The following RGS22 variants were observed in gnomAD, a reference collection of about 807,000 sequenced individuals.
RGS22 encodes regulator of G-protein signaling 22.
RGS22 carries 148 observed loss-of-function variants against 172.9 expected under a neutral mutation model. That is an observed-to-expected ratio of 0.86 (90% CI 0.75 to 0.98). The LOEUF (loss-of-function observed/expected upper bound fraction) is 0.98. RGS22 is among the 50% of genes least tolerant of loss of function. The pLI, the probability that RGS22 is intolerant of heterozygous loss-of-function variation, is 0.00. For missense variants in RGS22, 1,347 were observed against 1,440.8 expected, an observed-to-expected ratio of 0.93 and a Z score of 1.05; for synonymous variants, 458 against 480.2, an observed-to-expected ratio of 0.95 and a Z score of 0.60.
At chr8:100,039,066 C>G (rs774510753) in intron 13 of RGS22, 34 bp from the exon 14 acceptor site, 14 of 1,228,120 alleles carry the variant, frequency 1.1e-5, no homozygotes, top group Non-Finnish European at 1.6e-5. Context: ...ATTATTACCA[C>G]CCAATTATTA....
intron 6 of RGS22, among the ~76,000 whole-genome samples, chr8:100,068,319 A>G (rs1810689016): frequency 6.6e-6 from 1 of 152,098 alleles, no homozygotes. Flanking sequence ...GGGAGGTTGA[A>G]GCTGCAATGA....
intron 2 of RGS22, among the ~76,000 whole-genome samples, chr8:100,102,272 T>A (rs535017256): frequency 6.6e-6 from 1 of 152,182 alleles, no homozygotes; most frequent in Non-Finnish European, 1.5e-5. Context: ...TCTGCCTACA[T>A]CGTATTGGCC....
intron 14 of RGS22, among the ~76,000 whole-genome samples, chr8:100,016,652 C>A (rs1816992859): frequency 6.6e-6 from 1 of 152,092 alleles, no homozygotes; most frequent in South Asian, 2.1e-4. Context: ...TGGCAGGCGC[C>A]TGTAGTCCCA....
chr8:100,036,105 A>G (rs989238801), intron 14 of RGS22, among the ~76,000 whole-genome samples: 2 of 151,984 alleles, frequency 1.3e-5, no homozygotes, highest in African/African-American at 2.4e-5. Context: ...TTAAAACATA[A>G]TAACAATTTT....
intron 10 of RGS22, among the ~76,000 whole-genome samples, chr8:100,051,159 C>T (rs144717015): frequency 0.013 from 1,895 of 151,574 alleles, 16 homozygotes; most frequent in Middle Eastern, 0.031. Flanking sequence ...AGGAAGAGTG[C>T]TCTAAGCAAG....
intron 7 of RGS22, 90 bp downstream of exon 7, chr8:100,066,077 C>A: frequency 1.6e-6 from 2 of 1,225,738 alleles, no homozygotes; most frequent in South Asian, 1.9e-5. Flanking sequence ...TTTTTCTCCC[C>A]AACCACTAAG....
At chr8:100,094,827 T>C (rs1288733951) in intron 2 of RGS22, among the ~76,000 whole-genome samples, 3 of 152,218 alleles carry the variant, frequency 2.0e-5, no homozygotes, top group Non-Finnish European at 4.4e-5. Flanking sequence ...TGCTAATTCT[T>C]ATGAGAAAAC....
Position 99,982,032 on chromosome 8 carries a change from G to C in RGS22, c.3265C>G (p.Pro1089Ala). 1 of 1,613,726 alleles carries C rather than the reference G, an allele frequency of 6.2e-7. No homozygotes were observed. Among genetic ancestry groups the C allele is most frequent in the Non-Finnish European group, 8.5e-7 (1 of 1,179,704 alleles). ...GGAATGTCAATTTGTAAAGCTGGTG[G>C]AATACTGGAATTAATAAAGCAGTTG... ...IINCFINSSI[P>A]PALQIDIPVE... Residue 1089 changes from proline (P) to alanine (A), a missense_variant, in exon 22 of 28, where the codon CCA (proline) becomes GCA (alanine). Coordinates refer to ENST00000360863, the MANE Select transcript of RGS22 (RefSeq NM_015668.5).
At chr8:100,055,401 T>G (rs551413166) in intron 9 of RGS22, among the ~76,000 whole-genome samples, 1 of 152,162 alleles carries the variant, frequency 6.6e-6, no homozygotes, top group Non-Finnish European at 1.5e-5. Context: ...GGTACCTCTA[T>G]GAGTTTGCAA....
chr8:100,008,641 G>C, intron 14 of RGS22, 72 bp from the exon 15 acceptor site: 1 of 1,196,334 alleles, frequency 8.4e-7, no homozygotes, highest in Non-Finnish European at 1.2e-6. Context: ...CCTCAACATA[G>C]GCATTTTTTA....
At chr8:100,009,121 A>G (rs1365826834) in intron 14 of RGS22, among the ~76,000 whole-genome samples, 1 of 152,186 alleles carries the variant, frequency 6.6e-6, no homozygotes, top group Non-Finnish European at 1.5e-5. Flanking sequence ...AAAGAAAAGC[A>G]TAAGAGCGAA....
chr8:100,103,017 A>AC (rs1214872713), intron 2 of RGS22, among the ~76,000 whole-genome samples: 1 of 152,228 alleles, frequency 6.6e-6, no homozygotes, highest in Non-Finnish European at 1.5e-5. Context: ...TTGTTTTGAG[A>AC]CTAAATACTA....
chr8:99,984,973 C>T (rs1016921379), intron 21 of RGS22, among the ~76,000 whole-genome samples: 2 of 152,100 alleles, frequency 1.3e-5, no homozygotes, highest in Non-Finnish European at 1.5e-5. Context: ...ATTTAGTAAC[C>T]AACGTCCTTG....
Position 100,056,610 on chromosome 8 carries a change from G to A in RGS22, c.1515-3634C>T, listed in dbSNP as rs997426216. ...CATGGCTAAAGGGGGGCAAGGCACA[G>A]CTTGGGCCATGGCTTCAGAGGGTGC... On this transcript the variant is annotated intron_variant, in intron 9 of 27. Transcript: ENST00000360863. Among the ~76,000 whole-genome samples, 112 of 152,290 alleles carry A rather than the reference G, an allele frequency of 7.4e-4. 1 individual carries two copies. The highest frequency in any genetic ancestry group is 2.4e-3 in the African/African-American group (100 of 41,570).
chr8:100,004,132 TAAAC>T, intron 16 of RGS22, 34 bp from the exon 17 acceptor site: 1 of 1,541,134 alleles, frequency 6.5e-7, no homozygotes, highest in Non-Finnish European at 8.7e-7. Context: ...AAAAATCTCT[TAAAC>T]ACAACAGATT....
At chr8:100,075,312 A>G (rs1811271754) in intron 4 of RGS22, among the ~76,000 whole-genome samples, 1 of 152,070 alleles carries the variant, frequency 6.6e-6, no homozygotes, top group Admixed American at 6.5e-5. Flanking sequence ...AGTTCAGGTG[A>G]GACCTGGTTG....
chr8:99,990,319 C>T (rs941912711), intron 20 of RGS22, among the ~76,000 whole-genome samples: 7 of 152,002 alleles, frequency 4.6e-5, no homozygotes, highest in South Asian at 2.1e-4. Flanking sequence ...TTCCAAGGGC[C>T]GATGGGAAGC....
chr8:100,055,893 A>T (rs1009445390), intron 9 of RGS22, among the ~76,000 whole-genome samples: 1 of 152,190 alleles, frequency 6.6e-6, no homozygotes, highest in Non-Finnish European at 1.5e-5. Flanking sequence ...TAATACAGTA[A>T]ATTGGTACCA....
rs775344019 is a variant in RGS22 at position 99,962,728 on chromosome 8, G to A, written c.3749C>T (p.Thr1250Ile). Residue 1250 changes from threonine (T) to isoleucine (I), a missense_variant, in exon 26 of 28, where the codon ACT (threonine) becomes ATT (isoleucine). Coordinates refer to ENST00000360863, the MANE Select transcript of RGS22 (RefSeq NM_015668.5). ...AGACATATTCTTTTTCAAAGACATA[G>A]TTGAAGAGCTAGCCTTAAAATTTGT... ...PLTNFKASSS[T>I]MSLKKNMSAH... 6 of 1,612,350 alleles carry A rather than the reference G, an allele frequency of 3.7e-6. No individual in the cohort carries two copies. Among genetic ancestry groups the A allele is most frequent in the Non-Finnish European group, 5.1e-6 (6 of 1,179,550 alleles).
Sources: allele counts gnomAD v4.1 joint callset (sites outside exome capture counted in the v4.1 genomes callset), GRCh38; gene constraint gnomAD v4.1.1; transcripts MANE v1.5; gene names NCBI Gene and HGNC (gene_info 2026-07-23, HGNC 2026-07-21).